AUTS2: variants seen among roughly 807,000 people sequenced by gnomAD.
AUTS2 encodes autism susceptibility gene 2 protein.
A neutral mutation model predicts 112.4 loss-of-function variants in AUTS2; 17 were observed. The ratio of observed to expected loss-of-function variants is 0.15; its 90% CI spans 0.10 to 0.23. The LOEUF (loss-of-function observed/expected upper bound fraction) is 0.23, where lower values mean the gene tolerates loss of function less well. Among genes scored for constraint, AUTS2 ranks in the 10% least tolerant of loss-of-function variants. AUTS2 has a pLI of 1.00. For synonymous variants in AUTS2, 751 were observed against 702.7 expected, an observed-to-expected ratio of 1.07 and a Z score of -1.09; for missense variants, 1,510 against 1,701.6, an observed-to-expected ratio of 0.89 and a Z score of 1.98.
chr7:70,628,369 ATG>A (rs1462027864), intron 5 of AUTS2, among the ~76,000 whole-genome samples: 1 of 5,980 alleles, frequency 1.7e-4, no homozygotes, highest in African/African-American at 1.1e-3. Flanking sequence ...ATATATATAT[ATG>A]TATATGTATA....
intron 1 of AUTS2, among the ~76,000 whole-genome samples, chr7:69,784,041 C>T (rs1357915615): frequency 1.3e-5 from 2 of 152,176 alleles, no homozygotes; most frequent in Non-Finnish European, 2.9e-5. Context: ...ACTGCTATCC[C>T]CAGATACGTG....
chr7:70,615,372 ATACAACTTC>A (rs1266130814), intron 5 of AUTS2, among the ~76,000 whole-genome samples: 1 of 152,158 alleles, frequency 6.6e-6, no homozygotes, highest in Admixed American at 6.5e-5. Context: ...CCATTGCCAG[ATACAACTTC>A]TGTCGAACTA....
At chr7:70,004,981 T>C (rs1051272218) in intron 2 of AUTS2, among the ~76,000 whole-genome samples, 1 of 151,932 alleles carries the variant, frequency 6.6e-6, no homozygotes, top group Non-Finnish European at 1.5e-5. Flanking sequence ...CCTACCACCA[T>C]GCCTGGCTAA....
chr7:70,142,933 G>T (rs570516140), intron 4 of AUTS2, among the ~76,000 whole-genome samples: 1 of 152,120 alleles, frequency 6.6e-6, no homozygotes, highest in Non-Finnish European at 1.5e-5. Context: ...GGTTTACTCT[G>T]ATTACCCACA....
chr7:69,618,151 A>G (rs1362258540), intron 1 of AUTS2, among the ~76,000 whole-genome samples: 1 of 152,062 alleles, frequency 6.6e-6, no homozygotes, highest in East Asian at 1.9e-4. Context: ...AATTTAGACT[A>G]TTTGCTTCAG....
chr7:70,679,858 C>T (rs1288165784), intron 5 of AUTS2, among the ~76,000 whole-genome samples: 1 of 152,164 alleles, frequency 6.6e-6, no homozygotes, highest in Non-Finnish European at 1.5e-5. Flanking sequence ...AAGTCCTTCC[C>T]TTGTGGATTT....
At chr7:69,953,153 T>C (rs1352322200) in intron 2 of AUTS2, among the ~76,000 whole-genome samples, 1 of 152,200 alleles carries the variant, frequency 6.6e-6, no homozygotes, top group Non-Finnish European at 1.5e-5. Flanking sequence ...GATCTTGTCC[T>C]AAAAGGATGG....
At chr7:70,650,566 A>G (rs888210114) in intron 5 of AUTS2, among the ~76,000 whole-genome samples, 1 of 152,232 alleles carries the variant, frequency 6.6e-6, no homozygotes, top group African/African-American at 2.4e-5. Flanking sequence ...TGTGACTCTC[A>G]TCCCCACTCA....
intron 4 of AUTS2, among the ~76,000 whole-genome samples, chr7:70,383,705 T>C (rs780782297): frequency 4.6e-5 from 7 of 152,242 alleles, no homozygotes; most frequent in Non-Finnish European, 8.8e-5. Flanking sequence ...CCTGCCTCTC[T>C]GTCTAGGGAC....
intron 1 of AUTS2, among the ~76,000 whole-genome samples, chr7:69,767,841 C>T (rs770550931): frequency 6.6e-6 from 1 of 152,200 alleles, no homozygotes; most frequent in Non-Finnish European, 1.5e-5. Flanking sequence ...CCTAATATTC[C>T]TTTATTGTCT....
In AUTS2 at chr7:70,749,383, G is replaced by A. The variant is rs182370490; in HGVS notation, c.743-13487G>A. 1.4e-3 allele frequency among the ~76,000 whole-genome samples: 216 copies of A among 152,224 alleles called. 1 individual carries two copies. The highest frequency in any genetic ancestry group is 4.9e-3 in the African/African-American group (204 of 41,548). On this transcript the variant is annotated intron_variant, in intron 6 of 18. Coordinates refer to ENST00000342771, the MANE Select transcript of AUTS2 (RefSeq NM_015570.4). ...GGGGAGGGGGGTCCGCGAATGTACC[G>A]TCCTAACAAGCTCCTGGATGATGCT... is the stretch of plus-strand genomic sequence containing the variant.
At chr7:70,444,373 T>TGTGTGTGTGAGAGAGA (rs372696006) in intron 5 of AUTS2, among the ~76,000 whole-genome samples, 38 of 142,484 alleles carry the variant, frequency 2.7e-4, no homozygotes, top group African/African-American at 8.6e-4. Context: ...TGTGTGTGTG[T>TGTGTGTGTGAGAGAGA]GAGAGAGAGA....
intron 1 of AUTS2, among the ~76,000 whole-genome samples, chr7:69,859,001 A>G (rs1297025925): frequency 1.3e-5 from 2 of 152,234 alleles, no homozygotes; most frequent in East Asian, 1.9e-4. Flanking sequence ...GGACTGTTAT[A>G]TTAAACATTA....
At position 70,780,148 on chromosome 7, in the gene AUTS2, C is replaced by G. The variant is rs1249201845; in HGVS notation, c.2005-1467C>G. Among the ~76,000 whole-genome samples, 6 of 152,044 alleles carry G rather than the reference C, an allele frequency of 3.9e-5. No individual in the cohort carries two copies. The East Asian group carries it at 7.7e-4, about 20-fold the overall frequency. ...ACTAGAAGCTTCAAGTCCCAGGACC[C>G]CATGCCTTGGGAGCAGTGCTTATCC... On this transcript the variant is annotated intron_variant, in intron 14 of 18. Transcript: ENST00000342771.
chr7:70,444,373 T>TGTGTGTGTGTGTGTGTGTGTGAGA (rs372696006), intron 5 of AUTS2, among the ~76,000 whole-genome samples: 10 of 142,442 alleles, frequency 7.0e-5, no homozygotes, highest in African/African-American at 1.9e-4. Flanking sequence ...TGTGTGTGTG[T>TGTGTGTGTGTGTGTGTGTGTGAGA]GAGAGAGAGA....
chr7:70,520,645 G>A (rs750390344), intron 5 of AUTS2, among the ~76,000 whole-genome samples: 1 of 152,202 alleles, frequency 6.6e-6, no homozygotes, highest in Non-Finnish European at 1.5e-5. Context: ...TACTTTCTGA[G>A]ATTATTTTGA....
chr7:70,115,182 T>C (rs1455977757), intron 2 of AUTS2, among the ~76,000 whole-genome samples: 1 of 152,172 alleles, frequency 6.6e-6, no homozygotes. Flanking sequence ...CTTGGTAAAG[T>C]CATCATTTTC....
At chr7:69,747,479 T>G (rs1213638724) in intron 1 of AUTS2, among the ~76,000 whole-genome samples, 1 of 152,206 alleles carries the variant, frequency 6.6e-6, no homozygotes, top group Non-Finnish European at 1.5e-5. Flanking sequence ...ATATGAATAA[T>G]TTGCTGAATA....
chr7:69,862,027 A>G (rs1446801630), intron 1 of AUTS2, among the ~76,000 whole-genome samples: 1 of 152,190 alleles, frequency 6.6e-6, no homozygotes, highest in African/African-American at 2.4e-5. Context: ...TACCTTTGGT[A>G]ATTCTCAATT....
Sources: gnomAD v4.1 joint callset for allele counts (sites outside exome capture counted in the v4.1 genomes callset) on GRCh38, gnomAD v4.1.1 for gene constraint, MANE v1.5 for transcripts, NCBI Gene and HGNC (gene_info 2026-07-23, HGNC 2026-07-21) for gene names.